Variants in COLEC10 observed in about 807,000 individuals in gnomAD.
The protein encoded by COLEC10 is collectin subfamily member 10.
Under a neutral mutation model 28.4 loss-of-function variants are expected in COLEC10, and 22 were observed. The observed-to-expected ratio is 0.78, with a 90% CI of 0.55 to 1.11. The LOEUF (loss-of-function observed/expected upper bound fraction) is 1.11, where lower values mean the gene tolerates loss of function less well. Among genes scored for constraint, COLEC10 ranks in the 50% least tolerant of loss-of-function variants. The probability of loss-of-function intolerance (pLI) is 0.00; values close to 1 mark genes in which losing one functional copy is unlikely to be tolerated. For synonymous variants in COLEC10, 125 were observed against 116.1 expected, an observed-to-expected ratio of 1.08 and a Z score of -0.49; for missense variants, 361 against 344.1, an observed-to-expected ratio of 1.05 and a Z score of -0.39.
the COLEC10 span, among the ~76,000 whole-genome samples, chr8:118,964,157 A>C: frequency 1.3e-5 from 2 of 152,210 alleles, no homozygotes. Flanking sequence ...TAAGTCTAGG[A>C]AGCCAGACTA....
intron 1 of COLEC10, among the ~76,000 whole-genome samples, chr8:118,998,519 C>T (rs1326534052): frequency 6.6e-6 from 1 of 152,018 alleles, no homozygotes. Flanking sequence ...TTTTTACCAT[C>T]TTGTGCATGT....
intron 2 of COLEC10, among the ~76,000 whole-genome samples, chr8:119,047,220 G>T (rs188572617): frequency 6.6e-6 from 1 of 152,276 alleles, no homozygotes; most frequent in African/African-American, 2.4e-5. Flanking sequence ...TCTGTAGAAG[G>T]TAAACAATTT....
chr8:119,010,731 A>G (rs1388049409), intron 2 of COLEC10, among the ~76,000 whole-genome samples: 1 of 151,030 alleles, frequency 6.6e-6, no homozygotes, highest in East Asian at 1.9e-4. Flanking sequence ...TGTTGGTTTA[A>G]TTTCCATTTA....
At chr8:119,047,593 C>T (rs1426494544) in intron 2 of COLEC10, among the ~76,000 whole-genome samples, 2 of 152,154 alleles carry the variant, frequency 1.3e-5, no homozygotes, top group Non-Finnish European at 2.9e-5. Context: ...CTTTCAGGCT[C>T]ATAATAGTAA....
intron 2 of COLEC10, among the ~76,000 whole-genome samples, chr8:119,055,630 TAGAG>T (rs1158554916): frequency 6.6e-6 from 1 of 152,038 alleles, no homozygotes; most frequent in Non-Finnish European, 1.5e-5. Context: ...CTATTTGTCT[TAGAG>T]AGCATAAAGC....
Position 119,106,020 on chromosome 8 carries a change from G to C in COLEC10, c.663G>C (p.Met221Ile). The C allele has an allele frequency of 2.5e-6, 4 of 1,613,898 alleles. No homozygotes were observed. Among genetic ancestry groups the C allele is most frequent in the Non-Finnish European group, 3.4e-6 (4 of 1,179,896 alleles). ...ACCTTGAAAGGGAGGGACAGTACAT[G>C]TTCACAGACAACACTCCACTGCAGA... ...VNDLEREGQYMFTDNTPLQNY... is the reference protein window; with the variant it reads ...VNDLEREGQYIFTDNTPLQNY... Residue 221 changes from methionine to isoleucine, a missense_variant, in exon 6 of 6, where the codon ATG (methionine) becomes ATC (isoleucine). Coordinates refer to ENST00000332843, the MANE Select transcript of COLEC10 (RefSeq NM_006438.5).
At chr8:119,007,467 T>C (rs1813825466) in intron 1 of COLEC10, among the ~76,000 whole-genome samples, 1 of 145,328 alleles carries the variant, frequency 6.9e-6, no homozygotes. Flanking sequence ...TAGAAATTAT[T>C]GGGATTTACC....
intron 2 of COLEC10, among the ~76,000 whole-genome samples, chr8:119,013,392 C>A: frequency 6.7e-6 from 1 of 150,350 alleles, no homozygotes; most frequent in Non-Finnish European, 1.5e-5. Flanking sequence ...TGAAGTTTAT[C>A]TTGGTGAATG....
At chr8:119,036,931 T>C (rs1814399382) in intron 2 of COLEC10, among the ~76,000 whole-genome samples, 1 of 152,054 alleles carries the variant, frequency 6.6e-6, no homozygotes, top group Non-Finnish European at 1.5e-5. Flanking sequence ...TAGCTGTAGG[T>C]AGAGGGCTCA....
chr8:119,100,149 C>T (rs578219609), intron 3 of COLEC10, among the ~76,000 whole-genome samples: 1 of 152,244 alleles, frequency 6.6e-6, no homozygotes, highest in African/African-American at 2.4e-5. Flanking sequence ...ATTTTTCAAA[C>T]ACCTTGCTTT....
At chr8:118,956,676 T>G in the COLEC10 span, among the ~76,000 whole-genome samples, 2 of 152,166 alleles carry the variant, frequency 1.3e-5, no homozygotes, top group Non-Finnish European at 2.9e-5. Context: ...TCAGATGGCT[T>G]CTGAACAAAT....
chr8:118,969,408 G>A, the COLEC10 span, among the ~76,000 whole-genome samples: 4 of 152,048 alleles, frequency 2.6e-5, no homozygotes, highest in African/African-American at 9.7e-5. Context: ...TTTTGATTAA[G>A]TGATAAAAGG....
At chr8:119,022,297 C>G (rs1428750778) in intron 2 of COLEC10, among the ~76,000 whole-genome samples, 1 of 152,108 alleles carries the variant, frequency 6.6e-6, no homozygotes, top group Non-Finnish European at 1.5e-5. Flanking sequence ...AGCACCCTCT[C>G]TTAAGGAGAC....
chr8:119,097,835 G>A (rs1193388934), intron 3 of COLEC10, among the ~76,000 whole-genome samples: 2 of 151,948 alleles, frequency 1.3e-5, no homozygotes, highest in Non-Finnish European at 2.9e-5. Context: ...AGGGTAAGTC[G>A]CTGCCATGAA....
intron 2 of COLEC10, among the ~76,000 whole-genome samples, chr8:119,056,065 T>C (rs945622633): frequency 2.6e-5 from 4 of 152,070 alleles, no homozygotes; most frequent in African/African-American, 9.7e-5. Context: ...TCCAATTGTT[T>C]AAGGCAGGAA....
intron 2 of COLEC10, among the ~76,000 whole-genome samples, chr8:119,036,521 G>C (rs561204966): frequency 6.6e-6 from 1 of 152,174 alleles, no homozygotes; most frequent in Non-Finnish European, 1.5e-5. Context: ...AGTTCTAAGA[G>C]TATGTGACAG....
At chr8:119,052,768 G>A (rs1436911836) in intron 2 of COLEC10, among the ~76,000 whole-genome samples, 1 of 152,134 alleles carries the variant, frequency 6.6e-6, no homozygotes, top group Non-Finnish European at 1.5e-5. Flanking sequence ...CTTGTTGCTG[G>A]TGGCAATATT....
intron 3 of COLEC10, among the ~76,000 whole-genome samples, chr8:119,094,179 T>G (rs115937767): frequency 0.016 from 2,419 of 152,170 alleles, 62 homozygotes; most frequent in African/African-American, 0.054. Flanking sequence ...TCCCGGGGCA[T>G]CCAGCCCACG....
intron 2 of COLEC10, among the ~76,000 whole-genome samples, chr8:119,019,659 C>T (rs2130103552): frequency 6.6e-6 from 1 of 152,250 alleles, no homozygotes. Flanking sequence ...TGACACACCG[C>T]TGAACCTCCC....
Sources: gnomAD v4.1 joint callset for allele counts (sites outside exome capture counted in the v4.1 genomes callset) on GRCh38, gnomAD v4.1.1 for gene constraint, MANE v1.5 for transcripts, NCBI Gene and HGNC (gene_info 2026-07-23, HGNC 2026-07-21) for gene names.